CEP128: variants seen among roughly 807,000 people sequenced by gnomAD.
CEP128 encodes centrosomal protein 128kDa.
CEP128 carries 132 observed loss-of-function variants against 156.7 expected under a neutral mutation model. The ratio of observed to expected loss-of-function variants is 0.84; its 90% confidence interval spans 0.73 to 0.97. The LOEUF (loss-of-function observed/expected upper bound fraction) is 0.97. Ranked by LOEUF, CEP128 falls within the 50% of genes least tolerant of loss-of-function variation. CEP128 has a pLI of 0.00. For missense variants in CEP128, 1,252 were observed against 1,281.9 expected, an observed-to-expected ratio of 0.98 and a Z score of 0.36; for synonymous variants, 469 against 448.9, an observed-to-expected ratio of 1.04 and a Z score of -0.57.
At chr14:80,785,827 G>A (rs1901380194) in intron 14 of CEP128, among the ~76,000 whole-genome samples, 1 of 152,042 alleles carries the variant, frequency 6.6e-6, no homozygotes, top group Non-Finnish European at 1.5e-5. Flanking sequence ...TTATTTAAAT[G>A]TAAGATAAAA....
intron 19 of CEP128, among the ~76,000 whole-genome samples, chr14:80,612,140 T>C (rs757081361): frequency 2.0e-5 from 3 of 152,226 alleles, no homozygotes; most frequent in Non-Finnish European, 4.4e-5. Context: ...TAGTAAAGCA[T>C]GTATGTAGTA....
intron 15 of CEP128, among the ~76,000 whole-genome samples, chr14:80,779,632 T>C (rs1037940316): frequency 5.3e-5 from 8 of 152,156 alleles, no homozygotes; most frequent in Admixed American, 2.6e-4. Context: ...TCCCCAATGA[T>C]GTCTCATTTG....
At chr14:80,829,489 C>A (rs1018616981) in intron 13 of CEP128, among the ~76,000 whole-genome samples, 1 of 152,178 alleles carries the variant, frequency 6.6e-6, no homozygotes, top group African/African-American at 2.4e-5. Flanking sequence ...CAGCTCGCTG[C>A]AGCCTTGAAC....
chr14:80,739,799 A>T (rs1898715027), intron 19 of CEP128, among the ~76,000 whole-genome samples: 4 of 152,192 alleles, frequency 2.6e-5, no homozygotes, highest in Admixed American at 2.6e-4. Context: ...AATAAAATAT[A>T]AACTATTTAA....
At chr14:80,740,682 T>C (rs1009201479) in intron 19 of CEP128, among the ~76,000 whole-genome samples, 28 of 152,196 alleles carry the variant, frequency 1.8e-4, no homozygotes, top group South Asian at 4.1e-4. Context: ...TGGAAGACCA[T>C]TTTCTTTTTT....
intron 8 of CEP128, among the ~76,000 whole-genome samples, chr14:80,888,195 G>A (rs1303999540): frequency 6.6e-6 from 1 of 152,158 alleles, no homozygotes; most frequent in Non-Finnish European, 1.5e-5. Flanking sequence ...AATTCTACCA[G>A]AGGTACAAAG....
chr14:80,651,441 T>C (rs1219311687), intron 19 of CEP128, among the ~76,000 whole-genome samples: 1 of 152,184 alleles, frequency 6.6e-6, no homozygotes, highest in Non-Finnish European at 1.5e-5. Context: ...ATCTTAGTTA[T>C]TTCTTGTCTT....
chr14:80,522,839 CAG>C lies in CEP128; in HGVS notation c.3072+4028_3072+4029del, dbSNP rs1032575091. On this transcript the variant is annotated intron_variant, in intron 23 of 24. Coordinates refer to ENST00000555265, the MANE Select transcript of CEP128 (RefSeq NM_152446.5). ...GAAATGCTTCTCTTGTCTACCAAGA[CAG>C]AGAAAATGTTGTGTTAGGTTCAGCT... is the stretch of plus-strand genomic sequence containing the variant. Among the ~76,000 whole-genome samples, 5 of 152,240 alleles carry C rather than the reference CAG, an allele frequency of 3.3e-5. No homozygotes were observed. In the East Asian group the frequency reaches 7.7e-4, roughly 24 times the overall value.
At chr14:80,888,292 C>T (rs1487570890) in intron 8 of CEP128, among the ~76,000 whole-genome samples, 1 of 152,132 alleles carries the variant, frequency 6.6e-6, no homozygotes, top group Non-Finnish European at 1.5e-5. Context: ...AGGCCAGCAT[C>T]ATCCTGATAC....
chr14:80,811,205 T>G (rs1347272410), intron 13 of CEP128, among the ~76,000 whole-genome samples: 1 of 152,236 alleles, frequency 6.6e-6, no homozygotes, highest in African/African-American at 2.4e-5. Context: ...GCATTTGGGT[T>G]GATTCCATGT....
At chr14:80,788,194 A>G (rs928425525) in intron 14 of CEP128, among the ~76,000 whole-genome samples, 1 of 151,824 alleles carries the variant, frequency 6.6e-6, no homozygotes, top group Non-Finnish European at 1.5e-5. Flanking sequence ...TGTCATCTCA[A>G]TACCCTGGAC....
intron 19 of CEP128, among the ~76,000 whole-genome samples, chr14:80,690,183 G>A (rs1214759720): frequency 1.3e-5 from 2 of 150,662 alleles, no homozygotes; most frequent in African/African-American, 4.9e-5. Flanking sequence ...GAGGTGGGCG[G>A]ATCACCTGAG....
intron 2 of CEP128, among the ~76,000 whole-genome samples, chr14:80,932,381 T>A (rs1885517591): frequency 6.6e-6 from 1 of 152,212 alleles, no homozygotes; most frequent in African/African-American, 2.4e-5. Flanking sequence ...TAGAAGAGGA[T>A]CAACTTCCTG....
At chr14:80,915,008 A>G (rs1211716257) in intron 3 of CEP128, among the ~76,000 whole-genome samples, 4 of 152,108 alleles carry the variant, frequency 2.6e-5, no homozygotes, top group Non-Finnish European at 5.9e-5. Flanking sequence ...ACAAAATTCC[A>G]TTGTTATCTT....
intron 24 of CEP128, among the ~76,000 whole-genome samples, chr14:80,500,726 G>C (rs1413307159): frequency 6.6e-6 from 1 of 152,100 alleles, no homozygotes; most frequent in Non-Finnish European, 1.5e-5. Context: ...ACATGGAGAA[G>C]CCTATATTGC....
At chr14:80,660,110 C>T (rs777681925) in intron 19 of CEP128, among the ~76,000 whole-genome samples, 5 of 152,140 alleles carry the variant, frequency 3.3e-5, no homozygotes, top group Non-Finnish European at 7.4e-5. Flanking sequence ...ATTGAATTAG[C>T]TAGGTTATAC....
downstream of CEP128, among the ~76,000 whole-genome samples, chr14:80,488,805 T>TA (rs35224072): frequency 0.43 from 64,438 of 151,516 alleles, 14,738 homozygotes; most frequent in East Asian, 0.69. Flanking sequence ...TATGCAGCCA[T>TA]AAAAAATGAT....
At chr14:80,718,888 C>T (rs1897709220) in intron 19 of CEP128, among the ~76,000 whole-genome samples, 1 of 152,204 alleles carries the variant, frequency 6.6e-6, no homozygotes, top group Non-Finnish European at 1.5e-5. Context: ...TGAGTGTTGG[C>T]TTAGTTCTCT....
chr14:80,677,857 TA>T (rs1368310856), intron 19 of CEP128, among the ~76,000 whole-genome samples: 1 of 152,004 alleles, frequency 6.6e-6, no homozygotes, highest in South Asian at 2.1e-4. Context: ...ACTGTGTGCA[TA>T]AAAAAAGTAT....
Sources: gnomAD v4.1 joint callset for allele counts (sites outside exome capture counted in the v4.1 genomes callset) on GRCh38, gnomAD v4.1.1 for gene constraint, MANE v1.5 for transcripts, NCBI Gene and HGNC (gene_info 2026-07-23, HGNC 2026-07-21) for gene names.